LIPC: variants seen among roughly 807,000 people sequenced by gnomAD.
LIPC encodes hepatic triacylglycerol lipase.
A neutral mutation model predicts 50.7 loss-of-function variants in LIPC; 44 were observed. The observed-to-expected ratio is 0.87, with a 90% CI of 0.68 to 1.11. The LOEUF is 1.11. LIPC is among the 50% of genes most tolerant of loss of function. The pLI, the probability that LIPC is intolerant of heterozygous loss-of-function variation, is 0.00. For missense variants in LIPC, 697 were observed against 648.2 expected, an observed-to-expected ratio of 1.08 and a Z score of -0.82; for synonymous variants, 271 against 256.4, an observed-to-expected ratio of 1.06 and a Z score of -0.54.
chr15:58,452,968 G>T (rs1893968272), intron 1 of LIPC, among the ~76,000 whole-genome samples: 1 of 152,178 alleles, frequency 6.6e-6, no homozygotes, highest in African/African-American at 2.4e-5. Context: ...ATCGGTGTGA[G>T]CCCAGCCCAT....
intron 1 of LIPC, among the ~76,000 whole-genome samples, chr15:58,457,131 C>T (rs1189712025): frequency 4.6e-5 from 7 of 152,126 alleles, no homozygotes; most frequent in East Asian, 1.9e-4. Context: ...TTTTTTGAGA[C>T]GGAGTTTCAC....
chr15:58,566,755 T>C (rs367587036), intron 8 of LIPC, among the ~76,000 whole-genome samples: 1 of 152,084 alleles, frequency 6.6e-6, no homozygotes, highest in Non-Finnish European at 1.5e-5. Flanking sequence ...CTAAACCTAA[T>C]GAGAAGACAT....
intron 1 of LIPC, chr15:58,521,424 A>G (rs1297854116): frequency 6.6e-6 from 1 of 152,380 alleles, no homozygotes; most frequent in Non-Finnish European, 1.5e-5. Context: ...CCAGCTGTCA[A>G]GAGAACTATC....
chr15:58,564,556 C>T (rs1297054217), intron 8 of LIPC, among the ~76,000 whole-genome samples: 2 of 151,048 alleles, frequency 1.3e-5, no homozygotes, highest in African/African-American at 2.4e-5. Context: ...GGTGAAATCC[C>T]GTCTCTACAA....
intron 6 of LIPC, 113 bp downstream of exon 6, chr15:58,548,685 T>A: frequency 7.2e-7 from 1 of 1,380,274 alleles, no homozygotes; most frequent in Non-Finnish European, 9.9e-7. Flanking sequence ...GCTGTTGCGG[T>A]GTTTCTGAAA....
intron 1 of LIPC, among the ~76,000 whole-genome samples, chr15:58,483,531 G>A (rs902732289): frequency 9.2e-5 from 14 of 152,090 alleles, no homozygotes; most frequent in African/African-American, 3.4e-4. Flanking sequence ...GGGTAGAAGG[G>A]GGTAACCTCT....
In LIPC at chr15:58,560,724, G is replaced by A. The variant is rs1161150595; in HGVS notation, c.1052-140G>A. On this transcript the variant is annotated intron_variant, in intron 6 of 8. Coordinates refer to ENST00000299022, the MANE Select transcript of LIPC (RefSeq NM_000236.3). ...CAAGAAGATAAACCACCATTTAGGA[G>A]CAAAAAAATGTTGTTAACATATTAA... 46 of 605,432 alleles carry A rather than the reference G, an allele frequency of 7.6e-5. No individual in the cohort carries two copies. The East Asian group carries it at 8.9e-4, about 12-fold the overall frequency. The allele number at this position is 605,432 out of a possible 1,614,324, so 37.5% of individuals were successfully genotyped here. A position where few individuals can be genotyped will look rare whatever the true frequency, so the allele number is the denominator to read the frequency against.
chr15:58,529,097 G>A (rs996336435), intron 1 of LIPC, among the ~76,000 whole-genome samples: 1 of 152,180 alleles, frequency 6.6e-6, no homozygotes, highest in Non-Finnish European at 1.5e-5. Flanking sequence ...GTCTGGTACA[G>A]GAATGAAGGA....
intron 6 of LIPC, among the ~76,000 whole-genome samples, chr15:58,549,004 CT>C (rs1360174085): frequency 6.6e-6 from 1 of 152,222 alleles, no homozygotes; most frequent in Non-Finnish European, 1.5e-5. Context: ...CATTTCATTT[CT>C]TCTAAGATTT....
At position 58,545,753 on chromosome 15, in the gene LIPC, G is replaced by A. The variant is rs770215498; in HGVS notation, c.586G>A (p.Ala196Thr). ...TGCTTTCCCATTAGGGCTGGATGCC[G>A]CGGGACCTTTGTTTGAGGGAAGTGC... is the stretch of plus-strand genomic sequence containing the variant. ...KIGRITGLDAAGPLFEGSAPS... is the reference protein window; with the variant it reads ...KIGRITGLDATGPLFEGSAPS... The change falls in exon 5 of 9, where the codon GCG becomes ACG. Residue 196 changes from alanine (A) to threonine (T), a missense_variant. Physicochemically the swap from Ala to Thr is moderately conservative, Grantham distance 58 (BLOSUM62 0). Transcript: ENST00000299022. 23 of 1,613,994 alleles carry A rather than the reference G, an allele frequency of 1.4e-5. No individual in the cohort carries two copies. The highest frequency in any genetic ancestry group is 5.3e-5 in the African/African-American group (4 of 74,924).
At chr15:58,466,410 T>C (rs1259378254) in intron 1 of LIPC, among the ~76,000 whole-genome samples, 8 of 152,230 alleles carry the variant, frequency 5.3e-5, no homozygotes, top group Non-Finnish European at 8.8e-5. Flanking sequence ...ATTTTCTAAG[T>C]AGTTATAGAA....
intron 1 of LIPC, among the ~76,000 whole-genome samples, chr15:58,484,290 C>T (rs1429741277): frequency 3.6e-4 from 55 of 152,210 alleles, no homozygotes. Context: ...GTGCTAGGCA[C>T]CCTTCTGGGC....
At chr15:58,460,541 C>T (rs1894307370) in intron 1 of LIPC, among the ~76,000 whole-genome samples, 2 of 152,252 alleles carry the variant, frequency 1.3e-5, no homozygotes, top group Non-Finnish European at 2.9e-5. Flanking sequence ...TCCACCCTCA[C>T]TCTCACCCTG....
chr15:58,452,065 T>A (rs755281589), intron 1 of LIPC, among the ~76,000 whole-genome samples: 1 of 152,166 alleles, frequency 6.6e-6, no homozygotes, highest in Admixed American at 6.5e-5. Flanking sequence ...TTCATTGGCA[T>A]CCTAGGATGC....
At chr15:58,561,166 G>A (rs115408618) in intron 7 of LIPC, among the ~76,000 whole-genome samples, 185 bp downstream of exon 7, 1 of 152,130 alleles carries the variant, frequency 6.6e-6, no homozygotes, top group Non-Finnish European at 1.5e-5. Context: ...AGACATTACC[G>A]TGACACAGCC....
At chr15:58,477,388 G>A (rs1891036711) in intron 1 of LIPC, among the ~76,000 whole-genome samples, 1 of 152,218 alleles carries the variant, frequency 6.6e-6, no homozygotes, top group African/African-American at 2.4e-5. Flanking sequence ...TGCCTGCATA[G>A]CAGTTTGACC....
At chr15:58,544,539 G>A (rs1463773824) in intron 4 of LIPC, among the ~76,000 whole-genome samples, 1 of 151,796 alleles carries the variant, frequency 6.6e-6, no homozygotes, top group Non-Finnish European at 1.5e-5. Context: ...GGGACTACAG[G>A]TGTCCACCAC....
At chr15:58,556,275 T>C (rs1893947459) in intron 6 of LIPC, among the ~76,000 whole-genome samples, 1 of 152,184 alleles carries the variant, frequency 6.6e-6, no homozygotes, top group Non-Finnish European at 1.5e-5. Context: ...GTGTGTGCTG[T>C]GCCCTTGTGG....
chr15:58,545,687 T>G, intron 4 of LIPC, 55 bp from the exon 5 acceptor site: 1 of 1,458,954 alleles, frequency 6.9e-7, no homozygotes, highest in Non-Finnish European at 9.6e-7. Flanking sequence ...AAAAAGCACA[T>G]CTCTCTTCCC....
Sources: allele counts gnomAD v4.1 joint callset (sites outside exome capture counted in the v4.1 genomes callset), GRCh38; gene constraint gnomAD v4.1.1; transcripts MANE v1.5; gene names NCBI Gene and HGNC (gene_info 2026-07-23, HGNC 2026-07-21).